MYBL1: variants seen among roughly 807,000 people sequenced by gnomAD.
The protein encoded by MYBL1 is MYB proto-oncogene like 1, also known as myb-related protein A.
In MYBL1, 17 loss-of-function variants were observed where a neutral mutation model predicts 96.3. That is an observed-to-expected ratio of 0.18 (90% CI 0.12 to 0.26). The LOEUF (loss-of-function observed/expected upper bound fraction) is 0.26. MYBL1 is among the 10% of genes least tolerant of loss of function. The pLI, the probability that MYBL1 is intolerant of heterozygous loss-of-function variation, is 1.00. For synonymous variants in MYBL1, 282 were observed against 292.7 expected (o/e 0.96, Z 0.37); for missense variants, 701 against 882.9 (o/e 0.79, Z 2.61).
At position 66,564,666 on chromosome 8, in the gene MYBL1, G is replaced by A; in HGVS notation, c.*31C>T. The A allele has an allele frequency of 1.3e-6, 2 of 1,537,306 alleles. No homozygotes were observed. Among genetic ancestry groups the A allele is most frequent in the South Asian group, 1.2e-5 (1 of 80,482 alleles). ...TAATTTAGTAGAGACTGCAGTAAGG[G>A]AGTGGGGCATTTCATCAATTTTAAT... On this transcript the variant is annotated 3_prime_UTR_variant, in exon 16 of 16. Transcript: ENST00000522677.
intron 1 of MYBL1, among the ~76,000 whole-genome samples, chr8:66,608,873 AGATTAATTTGGTCTTTGGCTCTCCAGC>A (rs1810422511): frequency 6.6e-6 from 1 of 152,126 alleles, no homozygotes; most frequent in Non-Finnish European, 1.5e-5. Context: ...AAGCAATAAT[AGATTAATTTGGTCTTTGGCTCTCCAGC>A]CCAGGACTCG....
intron 10 of MYBL1, among the ~76,000 whole-genome samples, chr8:66,575,152 A>G (rs758114775): frequency 1.3e-5 from 2 of 152,222 alleles, no homozygotes; most frequent in Non-Finnish European, 2.9e-5. Context: ...CAGGGATATT[A>G]CAAGAGGAGA....
chr8:66,582,662 G>A (rs1260333087), intron 8 of MYBL1, among the ~76,000 whole-genome samples: 8 of 144,864 alleles, frequency 5.5e-5, no homozygotes, highest in Admixed American at 1.4e-4. Context: ...AGGTTACAGA[G>A]AGCCAAGATC....
chr8:66,595,834 G>A, intron 5 of MYBL1, 77 bp from the exon 6 acceptor site: 1 of 913,008 alleles, frequency 1.1e-6, no homozygotes, highest in Non-Finnish European at 1.5e-6. Flanking sequence ...TGTACAAAGT[G>A]CTTAAAACAA....
chr8:66,613,002 A>T lies in MYBL1; in HGVS notation c.-164T>A. Reference sequence around the variant, plus strand: ...CCTCGACAGGGCAGGACGGAGGGACAGCGGGGGCGGACCGCGACCCGACCC... The same window carrying T: ...CCTCGACAGGGCAGGACGGAGGGACTGCGGGGGCGGACCGCGACCCGACCC... On this transcript the variant is annotated 5_prime_UTR_variant, in exon 1 of 16. Transcript: ENST00000522677. 1.2e-6 allele frequency: 1 copy of T among 803,510 alleles called. No individual in the cohort carries two copies. The highest frequency in any genetic ancestry group is 1.7e-6 in the Non-Finnish European group (1 of 585,368). 49.8% of individuals were successfully genotyped at this position (803,510 alleles called of 1,614,324 possible). A position where few individuals can be genotyped will look rare whatever the true frequency, so the allele number is the denominator to read the frequency against.
chr8:66,608,094 A>C (rs1810391957), intron 1 of MYBL1, among the ~76,000 whole-genome samples: 1 of 152,228 alleles, frequency 6.6e-6, no homozygotes, highest in Non-Finnish European at 1.5e-5. Context: ...AAAATATTTT[A>C]AGGATATGAG....
chr8:66,597,238 T>C (rs530059469), intron 5 of MYBL1, 92 bp downstream of exon 5: 68 of 905,894 alleles, frequency 7.5e-5, no homozygotes, highest in Non-Finnish European at 1.0e-4. Context: ...ATTTAAAAAA[T>C]AAGTCATCGG....
intron 11 of MYBL1, among the ~76,000 whole-genome samples, chr8:66,573,138 C>T (rs544587204): frequency 2.6e-5 from 4 of 150,966 alleles, no homozygotes; most frequent in South Asian, 2.1e-4. Flanking sequence ...CACTTGAACC[C>T]GGGAGGCAGA....
intron 1 of MYBL1, among the ~76,000 whole-genome samples, chr8:66,608,272 A>G (rs116761214): frequency 0.025 from 3,771 of 152,246 alleles, 164 homozygotes; most frequent in African/African-American, 0.085. Flanking sequence ...GCATTTCAGC[A>G]TGGTCATCAG....
intron 15 of MYBL1, chr8:66,565,393 T>C (rs560235897): frequency 2.6e-5 from 4 of 152,254 alleles, no homozygotes; most frequent in Non-Finnish European, 4.4e-5. Flanking sequence ...TAAGAGAATG[T>C]GCTACATGGC....
chr8:66,589,685 T>C (rs1809561705), intron 8 of MYBL1, among the ~76,000 whole-genome samples: 2 of 152,154 alleles, frequency 1.3e-5, no homozygotes, highest in Non-Finnish European at 2.9e-5. Flanking sequence ...GGTCTCACTA[T>C]GTTGCCAAGG....
At chr8:66,584,676 T>G (rs551034200) in intron 8 of MYBL1, among the ~76,000 whole-genome samples, 3 of 152,110 alleles carry the variant, frequency 2.0e-5, no homozygotes, top group Admixed American at 1.3e-4. Flanking sequence ...CTGGGCAAGA[T>G]AGCGAGACCC....
At chr8:66,602,151 G>T (rs1362426229) in intron 2 of MYBL1, among the ~76,000 whole-genome samples, 1 of 151,994 alleles carries the variant, frequency 6.6e-6, no homozygotes, top group Non-Finnish European at 1.5e-5. Flanking sequence ...CCAGGTTCAA[G>T]TGATCCTCCT....
Position 66,593,114 on chromosome 8 carries a change from A to G in MYBL1, c.762+6T>C. 6.5e-7 allele frequency: 1 copy of G among 1,547,358 alleles called. No individual in the cohort carries two copies. The highest frequency in any genetic ancestry group is 8.8e-7 in the Non-Finnish European group (1 of 1,137,656). ...TCCTTTGGTTTTCGTTATAAATAAA[A>G]GTTACCTGAATAAAGGCAGAAGTAG... On this transcript the variant is annotated splice_donor_region_variant and intron_variant, in intron 7 of 15. Coordinates refer to ENST00000522677, the MANE Select transcript of MYBL1 (RefSeq NM_001080416.4).
chr8:66,578,684 G>T (rs1347579735), intron 9 of MYBL1, among the ~76,000 whole-genome samples: 11 of 152,114 alleles, frequency 7.2e-5, no homozygotes. Context: ...GATTCCTCAG[G>T]GATCTAGAAT....
chr8:66,582,986 A>G (rs888490734), intron 8 of MYBL1, among the ~76,000 whole-genome samples: 4 of 152,302 alleles, frequency 2.6e-5, no homozygotes, highest in Non-Finnish European at 4.4e-5. Context: ...TAAATTGCAC[A>G]TTTATACTGA....
chr8:66,592,433 T>G lies in MYBL1; in HGVS notation c.867+7A>C. Reference sequence around the variant, plus strand: ...CTAACAATACAAATAACAAGCTTATTTCTTACTGATGGAATTCGCTTTCTT... The same window carrying G: ...CTAACAATACAAATAACAAGCTTATGTCTTACTGATGGAATTCGCTTTCTT... On this transcript the variant is annotated splice_region_variant and intron_variant, in intron 8 of 15. Transcript: ENST00000522677. 6.5e-7 allele frequency: 1 copy of G among 1,543,220 alleles called. No individual in the cohort carries two copies. Among genetic ancestry groups the G allele is most frequent in the Non-Finnish European group, 8.8e-7 (1 of 1,132,118 alleles).
intron 15 of MYBL1, among the ~76,000 whole-genome samples, 157 bp from the exon 16 acceptor site, chr8:66,564,982 A>G (rs1324336217): frequency 6.6e-6 from 1 of 151,970 alleles, no homozygotes; most frequent in Non-Finnish European, 1.5e-5. Context: ...TTTAATAATA[A>G]TGTTTTAAAA....
intron 8 of MYBL1, among the ~76,000 whole-genome samples, chr8:66,590,703 C>G (rs1368003059): frequency 6.6e-6 from 1 of 151,016 alleles, no homozygotes; most frequent in African/African-American, 2.4e-5. Flanking sequence ...AATACTAATA[C>G]TAATAAAAAT....
Sources: gnomAD v4.1 joint callset for allele counts (sites outside exome capture counted in the v4.1 genomes callset) on GRCh38, gnomAD v4.1.1 for gene constraint, MANE v1.5 for transcripts, NCBI Gene and HGNC (gene_info 2026-07-23, HGNC 2026-07-21) for gene names.